The following ANK3 variants were observed in gnomAD, a reference collection of about 807,000 sequenced individuals.
ANK3 encodes ankyrin-3.
In ANK3, 57 loss-of-function variants were observed where a neutral mutation model predicts 370.9. The ratio of observed to expected loss-of-function variants is 0.15; its 90% CI spans 0.12 to 0.19. The LOEUF is 0.19. ANK3 is among the 10% of genes least tolerant of loss of function. The pLI, the probability that ANK3 is intolerant of heterozygous loss-of-function variation, is 1.00. For missense variants in ANK3, 4,439 were observed against 5,302.1 expected, an observed-to-expected ratio of 0.84 and a Z score of 5.06; for synonymous variants, 1,929 against 1,946.3, an observed-to-expected ratio of 0.99 and a Z score of 0.23.
chr10:60,669,375 A>G (rs1589000393), intron 1 of ANK3, among the ~76,000 whole-genome samples: 1 of 152,058 alleles, frequency 6.6e-6, no homozygotes, highest in Non-Finnish European at 1.5e-5. Context: ...CTGATTATCT[A>G]CTGGTGATTT....
chr10:60,418,543 C>T (rs1480852208), intron 2 of ANK3, among the ~76,000 whole-genome samples: 1 of 151,658 alleles, frequency 6.6e-6, no homozygotes, highest in African/African-American at 2.4e-5. Context: ...TGTGGATAAT[C>T]TAAAGAAAAT....
intron 2 of ANK3, among the ~76,000 whole-genome samples, chr10:60,584,311 G>A (rs1159518114): frequency 6.6e-6 from 1 of 152,172 alleles, no homozygotes; most frequent in Non-Finnish European, 1.5e-5. Flanking sequence ...TTAGCATTTT[G>A]ATTATGGAAG....
At chr10:60,512,388 C>T (rs1294469943) in intron 2 of ANK3, among the ~76,000 whole-genome samples, 1 of 152,102 alleles carries the variant, frequency 6.6e-6, no homozygotes, top group African/African-American at 2.4e-5. Context: ...AGGAAATGTT[C>T]ATCCAATTAG....
chr10:60,326,047 T>C (rs543741826), intron 1 of ANK3, among the ~76,000 whole-genome samples: 6 of 152,272 alleles, frequency 3.9e-5, no homozygotes, highest in East Asian at 3.9e-4. Flanking sequence ...AAATACTGCA[T>C]GTTCTCACTT....
At position 60,234,700 on chromosome 10, in the gene ANK3, A is replaced by G; in HGVS notation, c.885T>C (p.Asp295=). 6.2e-7 allele frequency: 1 copy of G among 1,612,418 alleles called. No individual in the cohort carries two copies. Among genetic ancestry groups the G allele is most frequent in the Non-Finnish European group, 8.5e-7 (1 of 1,178,646 alleles). Residue 295 remains aspartate (D), a synonymous_variant, in exon 8 of 44, where the codon GAT becomes GAC. Transcript: ENST00000280772. ...KLLLDRGAKI[D]AKTRDGLTPL... is the part of the protein sequence containing the mutation. The stretch of plus-strand genomic sequence containing the variant: ...GTTGCACACTTACCCTGGTTTTGGC[A>G]TCGATTTTAGCTCCTCGATCGAGCA...
intron 1 of ANK3, among the ~76,000 whole-genome samples, chr10:60,374,420 G>T (rs1274885821): frequency 6.6e-6 from 1 of 152,156 alleles, no homozygotes; most frequent in African/African-American, 2.4e-5. Flanking sequence ...GGTGAGGCAG[G>T]AGATGAGCCC....
At chr10:60,033,325 G>C (rs1369126217) in intron 43 of ANK3, among the ~76,000 whole-genome samples, 1 of 151,974 alleles carries the variant, frequency 6.6e-6, no homozygotes, top group East Asian at 1.9e-4. Flanking sequence ...GACCAGCCTG[G>C]ACAACATGGT....
Position 60,203,089 on chromosome 10 carries a change from G to T in ANK3, c.1305C>A (p.Thr435=), listed in dbSNP as rs751410613. ...CCATGAAGGCAGCAACATGGATTGG[G>T]GTAAGGCCCGACTAAGGGGAAAAGA... ...SIQAVTESGL[T]PIHVAAFMGH... Residue 435 remains threonine (T), a synonymous_variant, in exon 12 of 44, where the codon ACC becomes ACA. Transcript: ENST00000280772. The T allele has an allele frequency of 1.9e-6, 3 of 1,613,174 alleles. No individual in the cohort carries two copies. The highest frequency in any genetic ancestry group is 2.5e-6 in the Non-Finnish European group (3 of 1,179,506).
chr10:60,122,411 A>T (rs1250909196), intron 25 of ANK3, among the ~76,000 whole-genome samples: 1 of 152,178 alleles, frequency 6.6e-6, no homozygotes, highest in South Asian at 2.1e-4. Flanking sequence ...TATCTCAGGG[A>T]TTCAGTTAGC....
intron 2 of ANK3, among the ~76,000 whole-genome samples, chr10:60,436,102 T>A (rs1205539148): frequency 2.0e-4 from 27 of 136,864 alleles, no homozygotes; most frequent in Middle Eastern, 3.6e-3. Context: ...AAAAAATAAA[T>A]AAATAAATAA....
chr10:60,588,193 AT>A (rs2077859602), intron 2 of ANK3, among the ~76,000 whole-genome samples: 1 of 147,636 alleles, frequency 6.8e-6, no homozygotes, highest in East Asian at 2.0e-4. Context: ...TATTATTATT[AT>A]TATTATTTGA....
chr10:60,587,000 T>C (rs1430409461), intron 2 of ANK3, among the ~76,000 whole-genome samples: 2 of 152,120 alleles, frequency 1.3e-5, no homozygotes, highest in Admixed American at 1.3e-4. Flanking sequence ...CAAGACTGGG[T>C]AATTTATAAA....
intron 1 of ANK3, among the ~76,000 whole-genome samples, chr10:60,389,160 T>C (rs946738563): frequency 6.6e-6 from 1 of 152,074 alleles, no homozygotes; most frequent in Non-Finnish European, 1.5e-5. Flanking sequence ...TTCCATGTCA[T>C]GGAAACATGC....
At chr10:60,309,855 G>T (rs184853497) in intron 1 of ANK3, among the ~76,000 whole-genome samples, 1 of 151,486 alleles carries the variant, frequency 6.6e-6, no homozygotes. Flanking sequence ...CAAGCATTTA[G>T]CAGTTTTATA....
rs187548933 is a variant in ANK3, at chr10:60,681,020, T to A, written c.57+52243A>T. Among the ~76,000 whole-genome samples the A allele has an allele frequency of 2.1e-3, 319 of 152,298 alleles. 2 individuals carry two copies. Among genetic ancestry groups the A allele is most frequent in the African/African-American group, 7.4e-3 (308 of 41,542 alleles). On this transcript the variant is annotated intron_variant, in intron 1 of 43. Transcript: ENST00000373827. Reference sequence around the variant, plus strand: ...AATATTTTTCCTCTTCACTTGGCACTCTCTAACTCAGGGGAAAGTTAACCA... The same window carrying A: ...AATATTTTTCCTCTTCACTTGGCACACTCTAACTCAGGGGAAAGTTAACCA...
At chr10:60,202,893 C>T (rs6479699) in intron 12 of ANK3, 109 bp downstream of exon 12, 115,333 of 691,758 alleles carry the variant, frequency 0.17, 10,103 homozygotes, top group African/African-American at 0.19. Context: ...GGAGACAGAG[C>T]GATACTCCAA....
At chr10:60,450,417 C>T (rs1414185927) in intron 2 of ANK3, among the ~76,000 whole-genome samples, 1 of 152,178 alleles carries the variant, frequency 6.6e-6, no homozygotes, top group African/African-American at 2.4e-5. Flanking sequence ...GAATATTTAA[C>T]AATCAGCAAT....
At chr10:60,178,280 C>T (rs532728657) in intron 18 of ANK3, among the ~76,000 whole-genome samples, 18 of 152,120 alleles carry the variant, frequency 1.2e-4, no homozygotes, top group African/African-American at 3.9e-4. Context: ...TAGTTATTAC[C>T]GAATACTCTA....
chr10:60,063,400 A>G, intron 39 of ANK3, 146 bp from the exon 40 acceptor site: 1 of 724,142 alleles, frequency 1.4e-6, no homozygotes, highest in East Asian at 2.8e-5. Flanking sequence ...TATCCAGAGG[A>G]CTCAGAATGC....
Sources: allele counts gnomAD v4.1 joint callset (sites outside exome capture counted in the v4.1 genomes callset), GRCh38; gene constraint gnomAD v4.1.1; transcripts MANE v1.5; gene names NCBI Gene and HGNC (gene_info 2026-07-23, HGNC 2026-07-21).